The following GALNT13 variants were observed in gnomAD, a reference collection of about 807,000 sequenced individuals.
The protein encoded by GALNT13 is UDP-GalNAc:polypeptide N-acetylgalactosaminyltransferase 13.
A neutral mutation model predicts 64.2 loss-of-function variants in GALNT13; 28 were observed. The observed-to-expected ratio is 0.44, with a 90% CI of 0.32 to 0.60. The LOEUF (loss-of-function observed/expected upper bound fraction) is 0.60, where lower values mean the gene tolerates loss of function less well. GALNT13 is among the 20% of genes least tolerant of loss of function. The pLI, the probability that GALNT13 is intolerant of heterozygous loss-of-function variation, is 0.05. For missense variants in GALNT13, 577 were observed against 669.8 expected, an observed-to-expected ratio of 0.86 and a Z score of 1.53; for synonymous variants, 214 against 224.6, an observed-to-expected ratio of 0.95 and a Z score of 0.42.
the GALNT13 span, among the ~76,000 whole-genome samples, chr2:153,273,833 T>C: frequency 6.6e-6 from 1 of 152,246 alleles, no homozygotes; most frequent in African/African-American, 2.4e-5. Flanking sequence ...TATATATTTT[T>C]CAGTTCCTTA....
chr2:153,352,582 A>G, the GALNT13 span, among the ~76,000 whole-genome samples: 4 of 151,980 alleles, frequency 2.6e-5, no homozygotes, highest in Non-Finnish European at 5.9e-5. Context: ...GGAGTTTGAT[A>G]GTTTTTCATT....
chr2:153,940,950 GAAC>G (rs1268394184), intron 2 of GALNT13, among the ~76,000 whole-genome samples: 2 of 151,952 alleles, frequency 1.3e-5, no homozygotes, highest in Non-Finnish European at 2.9e-5. Flanking sequence ...AATTAAAAAA[GAAC>G]AACAAATAAA....
the GALNT13 span, among the ~76,000 whole-genome samples, chr2:153,657,757 A>G: frequency 2.6e-5 from 4 of 152,152 alleles, no homozygotes; most frequent in Non-Finnish European, 5.9e-5. Flanking sequence ...CTCTTGTAGC[A>G]TAAACCAATT....
chr2:153,108,697 C>T, the GALNT13 span, among the ~76,000 whole-genome samples: 7 of 152,076 alleles, frequency 4.6e-5, no homozygotes, highest in East Asian at 1.2e-3. Context: ...GATAATAACT[C>T]CCAAATGTTA....
intron 1 of GALNT13, among the ~76,000 whole-genome samples, chr2:153,883,137 C>G (rs1414054398): frequency 2.0e-5 from 3 of 147,450 alleles, no homozygotes; most frequent in Non-Finnish European, 1.5e-5. Flanking sequence ...ATTCATAAAA[C>G]AAGTGGATGA....
At chr2:153,126,255 T>C in the GALNT13 span, among the ~76,000 whole-genome samples, 1 of 148,526 alleles carries the variant, frequency 6.7e-6, no homozygotes. Context: ...TTGTACTATT[T>C]TTGTAATCAA....
the GALNT13 span, among the ~76,000 whole-genome samples, chr2:153,405,845 C>T: frequency 3.3e-5 from 5 of 152,082 alleles, no homozygotes; most frequent in Admixed American, 6.5e-5. Context: ...AGAACTTTCC[C>T]CCAACTCAGT....
At position 154,300,989 on chromosome 2, in the gene GALNT13, T is replaced by C. The variant is rs569233431; in HGVS notation, c.976-420T>C. On this transcript the variant is annotated intron_variant, in intron 8 of 12. Transcript: ENST00000392825. Reference sequence around the variant, plus strand: ...TAAGATGCAAGGTATATGACCAGCTTAGAATGAATGATCGTTTATAATTCC... The same window carrying C: ...TAAGATGCAAGGTATATGACCAGCTCAGAATGAATGATCGTTTATAATTCC... Among the ~76,000 whole-genome samples, 9 of 152,288 alleles carry C rather than the reference T, an allele frequency of 5.9e-5. No individual in the cohort carries two copies. In the South Asian group the frequency reaches 1.9e-3, roughly 32 times the overall value.
the GALNT13 span, among the ~76,000 whole-genome samples, chr2:153,191,090 C>T: frequency 6.6e-6 from 1 of 152,070 alleles, no homozygotes; most frequent in Non-Finnish European, 1.5e-5. Flanking sequence ...ATTACTCTGG[C>T]TAAGACTTCC....
intron 3 of GALNT13, among the ~76,000 whole-genome samples, chr2:153,947,628 G>C (rs1419693408): frequency 6.6e-6 from 1 of 151,778 alleles, no homozygotes; most frequent in East Asian, 1.9e-4. Context: ...CCATTCTGTA[G>C]GTTGTCTGTT....
chr2:153,481,396 T>C, the GALNT13 span, among the ~76,000 whole-genome samples: 1 of 152,278 alleles, frequency 6.6e-6, no homozygotes, highest in Middle Eastern at 3.4e-3. Context: ...CTCCTTTTAT[T>C]CACCTGTTTC....
At chr2:153,117,700 C>T in the GALNT13 span, among the ~76,000 whole-genome samples, 1 of 152,144 alleles carries the variant, frequency 6.6e-6, no homozygotes, top group African/African-American at 2.4e-5. Context: ...CAAAGATACT[C>T]AAATAGGCAC....
intron 3 of GALNT13, among the ~76,000 whole-genome samples, chr2:154,049,876 T>C (rs1417428050): frequency 6.6e-6 from 1 of 152,122 alleles, no homozygotes; most frequent in Non-Finnish European, 1.5e-5. Context: ...TTTTTTAAAT[T>C]ACTTATTTTA....
the GALNT13 span, among the ~76,000 whole-genome samples, chr2:153,823,949 G>A: frequency 6.6e-6 from 1 of 152,006 alleles, no homozygotes; most frequent in Admixed American, 6.6e-5. Flanking sequence ...ATTAAAATGT[G>A]GGCAAAGGAT....
intron 3 of GALNT13, among the ~76,000 whole-genome samples, chr2:154,135,896 C>T (rs1373808642): frequency 6.6e-6 from 1 of 152,050 alleles, no homozygotes; most frequent in African/African-American, 2.4e-5. Flanking sequence ...TTTGGACTGG[C>T]AAAAGAGCAT....
chr2:153,451,273 T>A, the GALNT13 span, among the ~76,000 whole-genome samples: 1 of 152,314 alleles, frequency 6.6e-6, no homozygotes, highest in South Asian at 2.1e-4. Flanking sequence ...TCTCACCCAA[T>A]ACTGGAATTA....
the GALNT13 span, among the ~76,000 whole-genome samples, chr2:153,833,449 T>C: frequency 7.1e-4 from 108 of 152,240 alleles, 2 homozygotes; most frequent in South Asian, 0.022. Flanking sequence ...AAATTGTAAC[T>C]TGAGGTTGCT....
the GALNT13 span, among the ~76,000 whole-genome samples, chr2:153,759,280 T>G: frequency 6.6e-6 from 1 of 152,182 alleles, no homozygotes; most frequent in Non-Finnish European, 1.5e-5. Flanking sequence ...CATTTGGAAG[T>G]ATTTTATTTG....
intron 4 of GALNT13, among the ~76,000 whole-genome samples, chr2:154,176,442 C>T (rs559608013): frequency 6.6e-6 from 1 of 151,466 alleles, no homozygotes; most frequent in Admixed American, 6.6e-5. Flanking sequence ...TTAGTAGAGA[C>T]GGGGTTTCAC....
Sources: gnomAD v4.1 joint callset for allele counts (sites outside exome capture counted in the v4.1 genomes callset) on GRCh38, gnomAD v4.1.1 for gene constraint, MANE v1.5 for transcripts, NCBI Gene and HGNC (gene_info 2026-07-23, HGNC 2026-07-21) for gene names.